The following TAB3 variants were observed in gnomAD, a reference collection of about 807,000 sequenced individuals.
The protein encoded by TAB3 is TGF-beta-activated kinase 1 and MAP3K7-binding protein 3.
In TAB3, 18 loss-of-function variants were observed where a neutral mutation model predicts 48.1. That is an observed-to-expected ratio of 0.37 (90% CI 0.26 to 0.55). TAB3 has a LOEUF of 0.55. Ranked by LOEUF, TAB3 falls within the 20% of genes least tolerant of loss-of-function variation. The pLI, the probability that TAB3 is intolerant of heterozygous loss-of-function variation, is 0.78. For synonymous variants in TAB3, 185 were observed against 190.2 expected, an observed-to-expected ratio of 0.97 and a Z score of 0.22; for missense variants, 414 against 549.8, an observed-to-expected ratio of 0.75 and a Z score of 2.47.
chrX:30,862,169 G>A (rs770741291), intron 4 of TAB3, among the ~76,000 whole-genome samples: 1 of 112,176 alleles, frequency 8.9e-6, no homozygotes, highest in Non-Finnish European at 1.9e-5. Flanking sequence ...GGAGAAAAAA[G>A]GAATTCACTG....
intron 9 of TAB3, among the ~76,000 whole-genome samples, chrX:30,840,293 G>GT (rs1296400193): frequency 1.8e-5 from 2 of 110,558 alleles, no homozygotes; most frequent in South Asian, 7.6e-4. Flanking sequence ...TTCTTGTCTT[G>GT]TTTCTTAAGG....
intron 4 of TAB3, among the ~76,000 whole-genome samples, chrX:30,861,293 T>G (rs1939245042): frequency 9.0e-6 from 1 of 111,401 alleles, no homozygotes; most frequent in African/African-American, 3.3e-5. Flanking sequence ...TAGATTTGGA[T>G]AAAACACTAT....
chrX:30,855,659 C>T (rs780365663), intron 5 of TAB3, 97 bp from the exon 6 acceptor site: 3 of 857,952 alleles, frequency 3.5e-6, no homozygotes, highest in South Asian at 5.3e-5. Context: ...ATACTACTGT[C>T]ACAGAATAAA....
intron 2 of TAB3, among the ~76,000 whole-genome samples, chrX:30,870,875 C>T (rs1939644944): frequency 8.9e-6 from 1 of 112,228 alleles, no homozygotes; most frequent in African/African-American, 3.2e-5. Flanking sequence ...AGTGCCAAAT[C>T]TGCGAAACCC....
intron 1 of TAB3, among the ~76,000 whole-genome samples, chrX:30,888,275 G>C (rs1246513462): frequency 8.9e-6 from 1 of 112,597 alleles, no homozygotes; most frequent in Non-Finnish European, 1.9e-5. Context: ...ATGCCAAAAT[G>C]ACTGCCTGAT....
At position 30,834,088 on chromosome X, in the gene TAB3, C is replaced by T. The variant is rs1314155948; in HGVS notation, c.1953G>A (p.Gln651=). ...CTGCCTGGGTGTCATGGATGTCTGC[C>T]TGTACTTTGGAGGTCACGCTAATTC... is the stretch of plus-strand genomic sequence containing the variant. The part of the protein sequence containing the change: ...ARRISVTSKV[Q]ADIHDTQAAA... The change falls in exon 10 of 11, where the codon CAG becomes CAA. Residue 651 remains glutamine, a synonymous_variant. Transcript: ENST00000288422. 9.9e-6 allele frequency: 12 copies of T among 1,211,642 alleles called. No homozygotes were observed. Among genetic ancestry groups the T allele is most frequent in the Non-Finnish European group, 1.2e-5 (11 of 895,488 alleles).
In TAB3 at chrX:30,849,686, G is replaced by C. The variant is rs553207536; in HGVS notation, c.1711-3042C>G. Among the ~76,000 whole-genome samples, 24 of 112,219 alleles carry C rather than the reference G, an allele frequency of 2.1e-4. No homozygotes were observed. In the South Asian group the frequency reaches 8.9e-3, roughly 41 times the overall value. ...TGCAGAGAAATCAGATATAGCCAGTGAGCGCCTGAGCAATTCTGACTCCCA... is the reference window on the plus strand; with the variant it reads ...TGCAGAGAAATCAGATATAGCCAGTCAGCGCCTGAGCAATTCTGACTCCCA... On this transcript the variant is annotated intron_variant, in intron 7 of 10. Transcript: ENST00000288422.
intron 7 of TAB3, among the ~76,000 whole-genome samples, chrX:30,851,830 A>G (rs1426482066): frequency 8.9e-6 from 1 of 112,208 alleles, no homozygotes; most frequent in African/African-American, 3.2e-5. Context: ...AGAACAGACA[A>G]GATTTACACG....
intron 4 of TAB3, among the ~76,000 whole-genome samples, chrX:30,866,870 T>TAAAAAA (rs77868699): frequency 1.3e-5 from 1 of 74,732 alleles, no homozygotes; most frequent in Non-Finnish European, 2.5e-5. Context: ...AAGGGGTGTT[T>TAAAAAA]AAAAAAAAAA....
Position 30,854,632 on chromosome X carries a change from T to C in TAB3, c.1033A>G (p.Ser345Gly), listed in dbSNP as rs775124764. 11 of 1,211,625 alleles carry C rather than the reference T, an allele frequency of 9.1e-6. No homozygotes were observed. In the South Asian group the frequency reaches 1.8e-4, roughly 19 times the overall value. The change falls in exon 6 of 11, where the codon AGC becomes GGC. Residue 345 changes from serine (S) to glycine (G), a missense_variant. Physicochemically the swap from Ser to Gly is moderately conservative, Grantham distance 56. Transcript: ENST00000288422. Reference protein sequence around the residue: ...QGPPSYQKQGSHSVAYLPYTA... With the variant: ...QGPPSYQKQGGHSVAYLPYTA... ...TATGGAAGATAGGCTACTGAATGGC[T>C]TCCCTGTTTCTGATAGCTAGGAGGT...
In TAB3 at chrX:30,879,521, T is replaced by C. The variant is rs1016150506; in HGVS notation, c.-382-7720A>G. 2.7e-5 allele frequency among the ~76,000 whole-genome samples: 3 copies of C among 111,970 alleles called. No individual in the cohort carries two copies. In the Admixed American group the frequency reaches 2.8e-4, roughly 11 times the overall value. On this transcript the variant is annotated intron_variant, in intron 1 of 10. Transcript: ENST00000288422. ...GAATATCCTATGGTTATATTAACAA[T>C]AGGAAAAACATTTGATAAAATCCAG...
chrX:30,827,700 A>G lies in TAB3; in HGVS notation c.*3727T>C, dbSNP rs1480338717. ...GAAACATGGACATTGGGTATCATAA[A>G]TAATTCAGAATTGTTCAGTCTCAAA... is the stretch of plus-strand genomic sequence containing the variant. On this transcript the variant is annotated 3_prime_UTR_variant, in exon 11 of 11. Transcript: ENST00000288422. 3 of 112,314 alleles carry G rather than the reference A, an allele frequency of 2.7e-5. No homozygotes were observed. The highest frequency in any genetic ancestry group is 5.6e-5 in the Non-Finnish European group (3 of 53,208). 9.3% of individuals were successfully genotyped at this position (112,314 alleles called of 1,213,427 possible). A position where few individuals can be genotyped will look rare whatever the true frequency, so the allele number is the denominator to read the frequency against.
At chrX:30,833,907 A>G (rs1399342703) in intron 10 of TAB3, 144 bp downstream of exon 10, 2 of 419,275 alleles carry the variant, frequency 4.8e-6, no homozygotes, top group South Asian at 5.6e-5. Flanking sequence ...GGCTTGCATT[A>G]TATTTCTACT....
intron 10 of TAB3, among the ~76,000 whole-genome samples, chrX:30,833,172 G>A (rs956064397): frequency 4.3e-4 from 46 of 108,047 alleles, no homozygotes; most frequent in Non-Finnish European, 6.9e-4. Flanking sequence ...GGGTTTCACC[G>A]TGTTAGCCAG....
intron 4 of TAB3, among the ~76,000 whole-genome samples, chrX:30,861,991 T>C (rs1939264525): frequency 8.9e-6 from 1 of 112,160 alleles, no homozygotes; most frequent in Non-Finnish European, 1.9e-5. Flanking sequence ...GTGGCTACTT[T>C]ACTGGACAGT....
intron 1 of TAB3, among the ~76,000 whole-genome samples, chrX:30,880,713 A>G (rs772595673): frequency 3.6e-5 from 4 of 111,933 alleles, no homozygotes; most frequent in Non-Finnish European, 7.5e-5. Context: ...TACATGACAC[A>G]TTTTTGAAGA....
At chrX:30,834,310 A>G (rs933086900) in intron 9 of TAB3, among the ~76,000 whole-genome samples, 158 bp from the exon 10 acceptor site, 1 of 112,065 alleles carries the variant, frequency 8.9e-6, no homozygotes, top group African/African-American at 3.3e-5. Flanking sequence ...ACCATATTTA[A>G]TACTGCTTTT....
Position 30,829,538 on chromosome X carries a change from C to T in TAB3, c.*1889G>A, listed in dbSNP as rs886718997. 2.7e-5 allele frequency: 3 copies of T among 111,689 alleles called. No homozygotes were observed. Among genetic ancestry groups the T allele is most frequent in the Non-Finnish European group, 3.8e-5 (2 of 53,113 alleles). The allele number at this position is 111,689 out of a possible 1,213,427, so 9.2% of individuals were successfully genotyped here. On this transcript the variant is annotated 3_prime_UTR_variant, in exon 11 of 11. Coordinates refer to ENST00000288422, the MANE Select transcript of TAB3 (RefSeq NM_152787.5). The stretch of plus-strand genomic sequence containing the variant: ...CAGTGTTACAAAAACCTTTGAAGAA[C>T]GTTGTTTTGGGGACCATGCTTTTAA...
At chrX:30,858,366 G>A (rs953286516) in intron 5 of TAB3, among the ~76,000 whole-genome samples, 6 of 111,481 alleles carry the variant, frequency 5.4e-5, no homozygotes, top group African/African-American at 1.6e-4. Context: ...ACCAAAATGG[G>A]GCCAAAGTAA....
Sources: allele counts gnomAD v4.1 joint callset (sites outside exome capture counted in the v4.1 genomes callset), GRCh38; gene constraint gnomAD v4.1.1; transcripts MANE v1.5; gene names NCBI Gene and HGNC (gene_info 2026-07-23, HGNC 2026-07-21).